CMPK2: variants seen among roughly 807,000 people sequenced by gnomAD.
CMPK2 encodes cytidine/uridine monophosphate kinase 2.
In CMPK2, 32 loss-of-function variants were observed where a neutral mutation model predicts 33.4. The ratio of observed to expected loss-of-function variants is 0.96; its 90% CI spans 0.72 to 1.29. The LOEUF is 1.29. CMPK2 is among the 50% of genes most tolerant of loss of function. The probability of loss-of-function intolerance (pLI) is 0.00; values close to 1 mark genes in which losing one functional copy is unlikely to be tolerated. For synonymous variants in CMPK2, 299 were observed against 275.3 expected, an observed-to-expected ratio of 1.09 and a Z score of -0.85; for missense variants, 672 against 616.0, an observed-to-expected ratio of 1.09 and a Z score of -0.96.
In CMPK2 at chr2:6,851,499, T is replaced by C. The variant is rs1181983796; in HGVS notation, c.1177A>G (p.Lys393Glu). 6.2e-7 allele frequency: 1 copy of C among 1,614,222 alleles called. No individual in the cohort carries two copies. Among genetic ancestry groups the C allele is most frequent in the East Asian group, 2.2e-5 (1 of 44,894 alleles). Residue 393 changes from lysine (K) to glutamate (E), a missense_variant, in exon 4 of 5, where the codon AAG (lysine) becomes GAG (glutamate). Physicochemically the swap from Lys to Glu is moderately conservative, Grantham distance 56. Transcript: ENST00000256722. Reference sequence around the variant, plus strand: ...TCAAGTTCTGCTTCTTCCCTGGTCTTCTCCATGCCCCGGCCCTGCAGCCTC... The same window carrying C: ...TCAAGTTCTGCTTCTTCCCTGGTCTCCTCCATGCCCCGGCCCTGCAGCCTC... ...LQRLQGRGME[K>E]TREEAELEAN...
In CMPK2 at chr2:6,851,466, T is replaced by G; in HGVS notation, c.1210A>C (p.Ser404Arg). ...GACACCTACTTTTGACGAAACACAC[T>G]GTTGGCCTCAAGTTCTGCTTCTTCC... ...TREEAELEAN[S>R]VFRQKVEMSY... is the part of the protein sequence containing the mutation. The change falls in exon 4 of 5, where the codon AGT becomes CGT. Residue 404 changes from serine to arginine, a missense_variant. Coordinates refer to ENST00000256722, the MANE Select transcript of CMPK2 (RefSeq NM_207315.4). 1 of 1,614,236 alleles carries G rather than the reference T, an allele frequency of 6.2e-7. No individual in the cohort carries two copies. The highest frequency in any genetic ancestry group is 8.5e-7 in the Non-Finnish European group (1 of 1,180,044).
chr2:6,842,250 G>C (rs1662252624), intron 3 of CMPK2, among the ~76,000 whole-genome samples: 1 of 152,172 alleles, frequency 6.6e-6, no homozygotes. Flanking sequence ...TCATCTGGAA[G>C]GAAAGTGGCT....
intron 3 of CMPK2, among the ~76,000 whole-genome samples, chr2:6,858,297 T>C (rs2103224562): frequency 6.6e-6 from 1 of 152,266 alleles, no homozygotes; most frequent in Middle Eastern, 3.4e-3. Context: ...GGTTAGCCGT[T>C]TTTTAGCACA....
chr2:6,843,002 C>A (rs1017462055), intron 3 of CMPK2, among the ~76,000 whole-genome samples: 4 of 151,994 alleles, frequency 2.6e-5, no homozygotes, highest in Non-Finnish European at 4.4e-5. Context: ...TTGAGAAAGT[C>A]CCTCAGTTGG....
intron 1 of CMPK2, among the ~76,000 whole-genome samples, chr2:6,864,098 G>A (rs1358179654): frequency 1.3e-5 from 2 of 152,162 alleles, no homozygotes; most frequent in South Asian, 2.1e-4. Context: ...CTCACTGCAC[G>A]CTCACAGCAT....
chr2:6,852,153 G>A (rs1010377304), intron 3 of CMPK2, among the ~76,000 whole-genome samples: 1 of 152,172 alleles, frequency 6.6e-6, no homozygotes, highest in African/African-American at 2.4e-5. Context: ...GGACCCCTGA[G>A]GTAGAAGCCT....
chr2:6,841,841 G>C (rs989914465), intron 3 of CMPK2, among the ~76,000 whole-genome samples: 2 of 152,104 alleles, frequency 1.3e-5, no homozygotes, highest in South Asian at 4.1e-4. Flanking sequence ...GAAAACTGAG[G>C]ACAACAATCT....
chr2:6,865,609 G>T lies in CMPK2; in HGVS notation c.88C>A (p.Pro30Thr). Residue 30 changes from proline to threonine, a missense_variant, in exon 1 of 5, where the codon CCG becomes ACG. Physicochemically the swap from Pro to Thr is conservative, Grantham distance 38 (BLOSUM62 -1). Transcript: ENST00000256722. Reference protein sequence around the residue: ...RGVCAGAMAPPRRFVLELPDC... With the variant: ...RGVCAGAMAPTRRFVLELPDC... ...GGAAGCTCCAGGACGAAGCGGCGCG[G>T]CGGAGCCATGGCCCCAGCGCAGACC... is the stretch of plus-strand genomic sequence containing the variant. 2.9e-6 allele frequency: 4 copies of T among 1,394,620 alleles called. No individual in the cohort carries two copies. The highest frequency in any genetic ancestry group is 3.7e-6 in the Non-Finnish European group (4 of 1,074,312). The allele number at this position is 1,394,620 out of a possible 1,614,324, so 86.4% of individuals were successfully genotyped here.
In CMPK2 at chr2:6,865,861, C is replaced by T. The variant is rs4669108; in HGVS notation, c.-165G>A. ...CGGAGGCCCAGGCGGGGCAGGAGCC[C>T]TGGGGCTGGGGCGCCCTTCCGGCCT... On this transcript the variant is annotated 5_prime_UTR_variant, in exon 1 of 5. Transcript: ENST00000256722. 1,323,572 of 1,339,002 alleles carry T rather than the reference C, an allele frequency of 0.99. 655,353 individuals carry two copies. The highest frequency in any genetic ancestry group is 1 in the East Asian group (29,438 of 29,446). The allele number at this position is 1,339,002 out of a possible 1,614,324, so 82.9% of individuals were successfully genotyped here.
chr2:6,866,484 A>G, upstream of CMPK2: 2 of 985,526 alleles, frequency 2.0e-6, no homozygotes, highest in Non-Finnish European at 2.4e-6. Flanking sequence ...TGACTCTCCA[A>G]CTGGGAAGTG....
In CMPK2 at chr2:6,857,648, T is replaced by C. The variant is rs1038147718; in HGVS notation, c.992+3536A>G. Among the ~76,000 whole-genome samples the C allele has an allele frequency of 7.3e-5, 11 of 149,764 alleles. 1 individual carries two copies. The highest frequency in any genetic ancestry group is 2.4e-4 in the African/African-American group (10 of 40,982). Reference sequence around the variant, plus strand: ...CTATTTCTTTTCTTTTCTTTTTTTTTTTTTTTGAGACGGAGTCTCGCTGTC... The same window carrying C: ...CTATTTCTTTTCTTTTCTTTTTTTTCTTTTTTGAGACGGAGTCTCGCTGTC... On this transcript the variant is annotated intron_variant, in intron 3 of 4. Coordinates refer to ENST00000256722, the MANE Select transcript of CMPK2 (RefSeq NM_207315.4).
rs1445011097 is a variant in CMPK2 at position 6,861,388 on chromosome 2, G to A, written c.791-3C>T. ...TGACTGGGTCACCGTGGTTTTACCT[G>A]CAGGTCATACACAAAATATATACAT... On this transcript the variant is annotated splice_polypyrimidine_tract_variant and splice_region_variant and intron_variant, in intron 2 of 4. Transcript: ENST00000256722. The A allele has an allele frequency of 6.2e-7, 1 of 1,612,650 alleles. No individual in the cohort carries two copies. The highest frequency in any genetic ancestry group is 8.5e-7 in the Non-Finnish European group (1 of 1,178,970).
Position 6,863,565 on chromosome 2 carries a change from A to T in CMPK2, c.689T>A (p.Ile230Asn), listed in dbSNP as rs1300669375. The change falls in exon 2 of 5, where the codon ATT (isoleucine) becomes AAT (asparagine). Residue 230 changes from isoleucine to asparagine, a missense_variant. By Grantham distance (149) the Ile-to-Asn change is moderately radical. Coordinates refer to ENST00000256722, the MANE Select transcript of CMPK2 (RefSeq NM_207315.4). ...GTCAAGCACTGCCCGGGCTTCAGGA[A>T]TAAAGGAGGTACACTGTAAAACAAC... is the stretch of plus-strand genomic sequence containing the variant. ...RAVLEECTSFIPEARAVLDLV... is the reference protein window; with the variant it reads ...RAVLEECTSFNPEARAVLDLV... 1 of 1,613,780 alleles carries T rather than the reference A, an allele frequency of 6.2e-7. No individual in the cohort carries two copies. The highest frequency in any genetic ancestry group is 8.5e-7 in the Non-Finnish European group (1 of 1,179,846).
rs867406762 is a variant in CMPK2 at position 6,850,120 on chromosome 2, G to T, written c.1227-147C>A. The T allele has an allele frequency of 1.8e-5, 11 of 597,548 alleles. No homozygotes were observed. The African/African-American group carries it at 1.9e-4, about 10-fold the overall frequency. The allele number at this position is 597,548 out of a possible 1,614,324, so 37.0% of individuals were successfully genotyped here. On this transcript the variant is annotated intron_variant, in intron 4 of 4. Coordinates refer to ENST00000256722, the MANE Select transcript of CMPK2 (RefSeq NM_207315.4). ...GTAACTAGCTTTGCCCACAGAAGACGTTCATGCATTTTGTTTAACAAATAA... is the reference window on the plus strand; with the variant it reads ...GTAACTAGCTTTGCCCACAGAAGACTTTCATGCATTTTGTTTAACAAATAA...
At chr2:6,864,116 C>T (rs978056165) in intron 1 of CMPK2, among the ~76,000 whole-genome samples, 1 of 152,136 alleles carries the variant, frequency 6.6e-6, no homozygotes, top group Non-Finnish European at 1.5e-5. Flanking sequence ...CATCTCAGAG[C>T]GAGGCTCAGA....
Position 6,863,576 on chromosome 2 carries a change from A to C in CMPK2, c.678T>G (p.Cys226Trp), listed in dbSNP as rs1662948263. Residue 226 changes from cysteine (C) to tryptophan (W), a missense_variant and splice_region_variant, in exon 2 of 5, where the codon TGT becomes TGG. Coordinates refer to ENST00000256722, the MANE Select transcript of CMPK2 (RefSeq NM_207315.4). ...CCCGGGCTTCAGGAATAAAGGAGGT[A>C]CACTGTAAAACAACGTCTATCCATC... ...REAARAVLEECTSFIPEARAV... is the reference protein window; with the variant it reads ...REAARAVLEEWTSFIPEARAV... 1 of 1,611,078 alleles carries C rather than the reference A, an allele frequency of 6.2e-7. No homozygotes were observed. The highest frequency in any genetic ancestry group is 1.1e-5 in the South Asian group (1 of 90,766).
At chr2:6,866,548 T>G (rs1302116470), upstream of CMPK2, 4 of 857,880 alleles carry the variant, frequency 4.7e-6, no homozygotes, top group African/African-American at 7.2e-5. Context: ...TGAAGTTTCC[T>G]GCACTAAGGT....
At chr2:6,854,605 C>G (rs1302058529) in intron 3 of CMPK2, among the ~76,000 whole-genome samples, 3 of 152,138 alleles carry the variant, frequency 2.0e-5, no homozygotes, top group Non-Finnish European at 4.4e-5. Context: ...AATACGGCTG[C>G]TTGTTTTAAA....
At chr2:6,850,656 G>T in intron 4 of CMPK2, 1 of 734,126 alleles carries the variant, frequency 1.4e-6, no homozygotes, top group Non-Finnish European at 1.7e-6. Flanking sequence ...TACCTTCCTT[G>T]CAAATGTTCA....
Sources: gnomAD v4.1 joint callset for allele counts (sites outside exome capture counted in the v4.1 genomes callset) on GRCh38, gnomAD v4.1.1 for gene constraint, MANE v1.5 for transcripts, NCBI Gene and HGNC (gene_info 2026-07-23, HGNC 2026-07-21) for gene names.